NCKAP5: variants seen among roughly 807,000 people sequenced by gnomAD.
NCKAP5 encodes NCK associated protein 5.
Under a neutral mutation model 167.0 loss-of-function variants are expected in NCKAP5, and 92 were observed. That is an observed-to-expected ratio of 0.55 (90% CI 0.47 to 0.66). The LOEUF (loss-of-function observed/expected upper bound fraction) is 0.66. Among genes scored for constraint, NCKAP5 ranks in the 30% least tolerant of loss-of-function variants. The pLI, the probability that NCKAP5 is intolerant of heterozygous loss-of-function variation, is 0.00. For synonymous variants in NCKAP5, 891 were observed against 877.4 expected (o/e 1.02, Z -0.27); for missense variants, 2,378 against 2,315.0 (o/e 1.03, Z -0.56).
intron 4 of NCKAP5, among the ~76,000 whole-genome samples, chr2:133,284,160 C>CATATAT (rs5834351): frequency 1.6e-3 from 240 of 149,938 alleles, no homozygotes; most frequent in Middle Eastern, 6.9e-3. Flanking sequence ...TAAGATTGTG[C>CATATAT]ATATATATAT....
At chr2:132,900,445 G>C (rs1179128533) in intron 8 of NCKAP5, among the ~76,000 whole-genome samples, 1 of 152,110 alleles carries the variant, frequency 6.6e-6, no homozygotes, top group African/African-American at 2.4e-5. Flanking sequence ...CTGTGTGAGA[G>C]ATACACATAC....
intron 2 of NCKAP5, among the ~76,000 whole-genome samples, chr2:133,547,020 C>T (rs569217221): frequency 9.2e-5 from 14 of 152,202 alleles, no homozygotes; most frequent in South Asian, 6.2e-4. Context: ...AGTGGGTGCG[C>T]GCACCGTGCG....
chr2:133,484,752 G>A (rs991221364), intron 3 of NCKAP5, among the ~76,000 whole-genome samples: 4 of 152,082 alleles, frequency 2.6e-5, no homozygotes, highest in Non-Finnish European at 5.9e-5. Flanking sequence ...AAATATAAAT[G>A]AAGTTGGGTC....
chr2:133,322,195 C>A (rs1682104976), intron 3 of NCKAP5, among the ~76,000 whole-genome samples: 1 of 152,140 alleles, frequency 6.6e-6, no homozygotes, highest in African/African-American at 2.4e-5. Flanking sequence ...GTAAAAACAC[C>A]AATACTTAAG....
At chr2:133,262,459 A>G (rs1290459119) in intron 4 of NCKAP5, among the ~76,000 whole-genome samples, 1 of 152,220 alleles carries the variant, frequency 6.6e-6, no homozygotes, top group African/African-American at 2.4e-5. Context: ...GTACCTGGAA[A>G]TCTAGGTACC....
At chr2:133,352,624 C>T (rs917725901) in intron 3 of NCKAP5, among the ~76,000 whole-genome samples, 7 of 152,066 alleles carry the variant, frequency 4.6e-5, no homozygotes, top group African/African-American at 1.7e-4. Flanking sequence ...TGCTGAGTGG[C>T]TGAGTGTAGT....
chr2:133,038,855 C>T (rs547554433), intron 6 of NCKAP5, among the ~76,000 whole-genome samples: 276 of 152,204 alleles, frequency 1.8e-3, no homozygotes, highest in African/African-American at 6.1e-3. Context: ...GTCACAGGTT[C>T]TGAGTATTAG....
At chr2:133,590,217 G>C in the NCKAP5 span, among the ~76,000 whole-genome samples, 2 of 152,104 alleles carry the variant, frequency 1.3e-5, no homozygotes, top group African/African-American at 4.8e-5. Context: ...GTGGCCGGGC[G>C]CGGTGGCTCA....
intron 19 of NCKAP5, among the ~76,000 whole-genome samples, chr2:132,719,781 G>A (rs941329639): frequency 6.6e-6 from 1 of 152,238 alleles, no homozygotes; most frequent in African/African-American, 2.4e-5. Context: ...GACGATGAGA[G>A]CGGGAGAGTC....
At chr2:133,611,918 A>T in the NCKAP5 span, among the ~76,000 whole-genome samples, 2 of 152,154 alleles carry the variant, frequency 1.3e-5, no homozygotes, top group Non-Finnish European at 2.9e-5. Context: ...TAAAATATGG[A>T]TGTACTTTGG....
At chr2:132,900,370 G>T (rs989851808) in intron 8 of NCKAP5, among the ~76,000 whole-genome samples, 1 of 152,166 alleles carries the variant, frequency 6.6e-6, no homozygotes, top group Non-Finnish European at 1.5e-5. Context: ...GGTTATGCCT[G>T]TACTAGTAGC....
At chr2:133,262,338 C>T (rs1435665920) in intron 4 of NCKAP5, among the ~76,000 whole-genome samples, 1 of 152,136 alleles carries the variant, frequency 6.6e-6, no homozygotes, top group Non-Finnish European at 1.5e-5. Context: ...TATTTAGAGG[C>T]CATAGTTTTA....
intron 3 of NCKAP5, among the ~76,000 whole-genome samples, chr2:133,357,288 G>GACACACAC (rs10635907): frequency 1.9e-3 from 270 of 140,256 alleles, no homozygotes; most frequent in Admixed American, 2.4e-3. Context: ...CACATACACA[G>GACACACAC]ACACACACAC....
intron 3 of NCKAP5, among the ~76,000 whole-genome samples, chr2:133,319,424 T>C (rs1029702838): frequency 2.0e-5 from 3 of 152,104 alleles, no homozygotes; most frequent in Admixed American, 1.3e-4. Context: ...GAAGTACCCA[T>C]GATAAATATG....
At chr2:133,433,744 A>G (rs1690303994) in intron 3 of NCKAP5, 1 of 152,248 alleles carries the variant, frequency 6.6e-6, no homozygotes, top group African/African-American at 2.4e-5. Flanking sequence ...CGTAGGAGAT[A>G]GAGAATTGAA....
At chr2:133,421,066 G>A (rs1689444358) in intron 3 of NCKAP5, among the ~76,000 whole-genome samples, 2 of 152,152 alleles carry the variant, frequency 1.3e-5, no homozygotes, top group African/African-American at 4.8e-5. Context: ...AAAGTCAAAT[G>A]GGGCCTTTTT....
At position 133,335,741 on chromosome 2, in the gene NCKAP5, A is replaced by T. The variant is rs552609962; in HGVS notation, c.70-32631T>A. On this transcript the variant is annotated intron_variant, in intron 3 of 19. Coordinates refer to ENST00000409261, the MANE Select transcript of NCKAP5 (RefSeq NM_207363.3). The stretch of plus-strand genomic sequence containing the variant: ...ACTGCTCACATTACTATGATAATCA[A>T]TTGCCTGTTATGAAAATTATTGCCA... Among the ~76,000 whole-genome samples, 4 of 152,308 alleles carry T rather than the reference A, an allele frequency of 2.6e-5. No homozygotes were observed. The East Asian group carries it at 5.8e-4, about 22-fold the overall frequency.
the NCKAP5 span, among the ~76,000 whole-genome samples, chr2:133,584,397 GGTT>G: frequency 6.6e-6 from 1 of 152,180 alleles, no homozygotes; most frequent in Non-Finnish European, 1.5e-5. Flanking sequence ...GGCCAGGCAG[GGTT>G]TCAAATCAGG....
At chr2:133,400,395 G>C (rs1181793008) in intron 3 of NCKAP5, among the ~76,000 whole-genome samples, 1 of 152,190 alleles carries the variant, frequency 6.6e-6, no homozygotes, top group African/African-American at 2.4e-5. Context: ...AGGATCTCCA[G>C]ATGAGATCAT....
Sources: allele counts gnomAD v4.1 joint callset (sites outside exome capture counted in the v4.1 genomes callset), GRCh38; gene constraint gnomAD v4.1.1; transcripts MANE v1.5; gene names NCBI Gene and HGNC (gene_info 2026-07-23, HGNC 2026-07-21).